CDH12: variants seen among roughly 807,000 people sequenced by gnomAD.
CDH12 encodes cadherin 12, also known as cadherin-12.
In CDH12, 41 loss-of-function variants were observed where a neutral mutation model predicts 74.1. The observed-to-expected ratio is 0.55, with a 90% CI of 0.43 to 0.72. The LOEUF (loss-of-function observed/expected upper bound fraction) is 0.72, where lower values mean the gene tolerates loss of function less well. CDH12 is among the 30% of genes least tolerant of loss of function. The pLI is 0.00. For synonymous variants in CDH12, 399 were observed against 355.0 expected, an observed-to-expected ratio of 1.12 and a Z score of -1.39; for missense variants, 945 against 977.2, an observed-to-expected ratio of 0.97 and a Z score of 0.44.
chr5:21,919,337 G>T (rs1754247110), intron 6 of CDH12, among the ~76,000 whole-genome samples: 1 of 151,958 alleles, frequency 6.6e-6, no homozygotes, highest in South Asian at 2.1e-4. Context: ...AAAATATTAT[G>T]TACCAAAACT....
intron 4 of CDH12, among the ~76,000 whole-genome samples, chr5:22,204,773 A>G (rs1339388651): frequency 1.3e-5 from 2 of 152,198 alleles, no homozygotes; most frequent in African/African-American, 4.8e-5. Flanking sequence ...TTAGGAGCTA[A>G]TGGTCTCTCT....
intron 5 of CDH12, among the ~76,000 whole-genome samples, chr5:21,979,447 TA>T (rs1382315843): frequency 1.3e-5 from 2 of 152,188 alleles, no homozygotes; most frequent in Non-Finnish European, 2.9e-5. Context: ...TTAAAAAAGA[TA>T]CCCTGCTCCA....
At chr5:22,233,913 T>C (rs1027194261) in intron 3 of CDH12, among the ~76,000 whole-genome samples, 12 of 152,200 alleles carry the variant, frequency 7.9e-5, no homozygotes, top group Non-Finnish European at 7.3e-5. Context: ...ATAGAAATAA[T>C]GATCAATGCA....
chr5:22,261,182 T>C (rs1398459320), intron 3 of CDH12, among the ~76,000 whole-genome samples: 1 of 151,362 alleles, frequency 6.6e-6, no homozygotes, highest in East Asian at 1.9e-4. Flanking sequence ...CTACAGAAAT[T>C]TTTTTTTGCA....
chr5:22,153,004 C>T (rs1460120829), intron 4 of CDH12, among the ~76,000 whole-genome samples: 3 of 152,018 alleles, frequency 2.0e-5, no homozygotes, highest in Non-Finnish European at 4.4e-5. Context: ...TTTACCCATC[C>T]ACTTCTTGAT....
chr5:22,558,691 A>G (rs1468721498), intron 1 of CDH12, among the ~76,000 whole-genome samples: 2 of 152,082 alleles, frequency 1.3e-5, no homozygotes, highest in Non-Finnish European at 2.9e-5. Flanking sequence ...AAATTACGAA[A>G]TAAAAAAATA....
chr5:22,123,946 T>C (rs71601532), intron 4 of CDH12, among the ~76,000 whole-genome samples: 2 of 151,570 alleles, frequency 1.3e-5, no homozygotes, highest in Non-Finnish European at 2.9e-5. Context: ...AAAAGTTTTG[T>C]AATTTTTTTA....
intron 3 of CDH12, among the ~76,000 whole-genome samples, chr5:22,388,703 T>C (rs1241679543): frequency 6.6e-6 from 1 of 152,222 alleles, no homozygotes; most frequent in Non-Finnish European, 1.5e-5. Flanking sequence ...TCACAGCAGC[T>C]TTAATTCTAT....
At chr5:21,788,621 T>C (rs534024716) in intron 10 of CDH12, among the ~76,000 whole-genome samples, 33 of 152,134 alleles carry the variant, frequency 2.2e-4, no homozygotes, top group Non-Finnish European at 4.4e-4. Context: ...ATATTTCAGA[T>C]GTATAATAAA....
intron 4 of CDH12, among the ~76,000 whole-genome samples, chr5:22,090,802 T>C (rs1054713197): frequency 2.8e-4 from 42 of 151,990 alleles, no homozygotes; most frequent in African/African-American, 9.2e-4. Flanking sequence ...AATACCCATG[T>C]CAATAGAATA....
chr5:22,499,064 C>T (rs939645332), intron 2 of CDH12, among the ~76,000 whole-genome samples: 23 of 150,842 alleles, frequency 1.5e-4, no homozygotes, highest in Non-Finnish European at 3.2e-4. Context: ...CTACCATACC[C>T]GGCTAATTTT....
chr5:22,849,091 T>G (rs1581060575), intron 1 of CDH12, among the ~76,000 whole-genome samples: 1 of 152,084 alleles, frequency 6.6e-6, no homozygotes, highest in South Asian at 2.1e-4. Flanking sequence ...TCCAACCCCA[T>G]GTTCCAGCTG....
intron 3 of CDH12, among the ~76,000 whole-genome samples, chr5:22,249,162 A>G (rs1255880876): frequency 6.6e-6 from 1 of 152,228 alleles, no homozygotes; most frequent in Non-Finnish European, 1.5e-5. Flanking sequence ...TGACAAAAGT[A>G]TCACTGGACC....
intron 5 of CDH12, among the ~76,000 whole-genome samples, chr5:22,056,102 T>A (rs1165306439): frequency 6.6e-6 from 1 of 152,110 alleles, no homozygotes; most frequent in Non-Finnish European, 1.5e-5. Flanking sequence ...ATAAGGCAGA[T>A]GTTATATAAA....
chr5:22,251,254 GGGAA>G (rs1277213033), intron 3 of CDH12, among the ~76,000 whole-genome samples: 6 of 152,164 alleles, frequency 3.9e-5, no homozygotes, highest in African/African-American at 1.4e-4. Flanking sequence ...GAGAATGCAG[GGGAA>G]GGATCAGCTG....
At chr5:22,609,851 A>T (rs1737306673) in intron 1 of CDH12, among the ~76,000 whole-genome samples, 1 of 152,238 alleles carries the variant, frequency 6.6e-6, no homozygotes, top group East Asian at 1.9e-4. Context: ...GAGTAAGTCA[A>T]ATAAAGTAGC....
At chr5:22,263,580 TG>T (rs559359806) in intron 3 of CDH12, among the ~76,000 whole-genome samples, 1 of 152,110 alleles carries the variant, frequency 6.6e-6, no homozygotes, top group African/African-American at 2.4e-5. Context: ...ATTCCATTTT[TG>T]GGGGGTGTAT....
chr5:21,909,247 C>T (rs181954807), intron 6 of CDH12, among the ~76,000 whole-genome samples: 1 of 152,036 alleles, frequency 6.6e-6, no homozygotes, highest in South Asian at 2.1e-4. Context: ...AACATTGAAG[C>T]CTTCATTAAT....
chr5:21,894,396 A>G (rs896655052), intron 6 of CDH12, among the ~76,000 whole-genome samples: 331 of 151,598 alleles, frequency 2.2e-3, no homozygotes, highest in Non-Finnish European at 3.5e-3. Flanking sequence ...AAAAAAAAAA[A>G]AAAAAAAAGA....
Sources: gnomAD v4.1 joint callset for allele counts (sites outside exome capture counted in the v4.1 genomes callset) on GRCh38, gnomAD v4.1.1 for gene constraint, MANE v1.5 for transcripts, NCBI Gene and HGNC (gene_info 2026-07-23, HGNC 2026-07-21) for gene names.